The following NUMA1 variants were observed in gnomAD, a reference collection of about 807,000 sequenced individuals.
The protein encoded by NUMA1 is SP-H antigen.
NUMA1 carries 62 observed loss-of-function variants against 237.1 expected under a neutral mutation model. The observed-to-expected ratio is 0.26, with a 90% confidence interval of 0.21 to 0.32. NUMA1 has a LOEUF of 0.32. Ranked by LOEUF, NUMA1 falls within the 10% of genes least tolerant of loss-of-function variation. NUMA1 has a pLI of 1.00. For missense variants in NUMA1, 2,533 were observed against 2,666.5 expected (o/e 0.95, Z 1.10); for synonymous variants, 1,028 against 1,066.1 (o/e 0.96, Z 0.70).
At position 72,003,169 on chromosome 11, in the gene NUMA1, A is replaced by G. The variant is rs1251331243; in HGVS notation, c.*358T>C. Reference sequence around the variant, plus strand: ...GCAGGAACCAGGGCCTACTCCTCTTATGGTCCCTTCTAGATCCAGAGGCTA... The same window carrying G: ...GCAGGAACCAGGGCCTACTCCTCTTGTGGTCCCTTCTAGATCCAGAGGCTA... On this transcript the variant is annotated 3_prime_UTR_variant, in exon 27 of 27. Transcript: ENST00000393695. 1 of 331,762 alleles carries G rather than the reference A, an allele frequency of 3.0e-6. No homozygotes were observed. 20.6% of individuals were successfully genotyped at this position (331,762 alleles called of 1,614,324 possible). A position where few individuals can be genotyped will look rare whatever the true frequency, so the allele number is the denominator to read the frequency against.
chr11:72,004,313 C>A lies in NUMA1; in HGVS notation c.6035G>T (p.Arg2012Leu). 6.2e-7 allele frequency: 1 copy of A among 1,613,092 alleles called. No homozygotes were observed. Among genetic ancestry groups the A allele is most frequent in the Non-Finnish European group, 8.5e-7 (1 of 1,179,758 alleles). The part of the protein sequence containing the change: ...ESKKATSCFP[R>L]PMTPRDRHEG... ...ATGTCGGTCTCGGGGAGTCATGGGG[C>A]GTGGGAAACAGCTGGTGGCCTTCTT... Residue 2012 changes from arginine (R) to leucine (L), a missense_variant, in exon 25 of 27, where the codon CGC becomes CTC. By Grantham distance (102) the Arg-to-Leu change is moderately radical. Transcript: ENST00000393695.
chr11:72,003,561 G>T (rs1317565380), intron 26 of NUMA1, 23 bp from the exon 27 acceptor site: 1 of 1,614,080 alleles, frequency 6.2e-7, no homozygotes, highest in African/African-American at 1.3e-5. Flanking sequence ...CAGTCACATG[G>T]CCAGATGAGA....
At chr11:72,022,514 T>C in intron 6 of NUMA1, 95 bp from the exon 7 acceptor site, 1 of 765,626 alleles carries the variant, frequency 1.3e-6, no homozygotes, top group Non-Finnish European at 2.2e-6. Flanking sequence ...GCTATTCCGG[T>C]GACTCTTCTA....
At chr11:72,078,201 G>A (rs1290249356) in intron 1 of NUMA1, among the ~76,000 whole-genome samples, 1 of 152,154 alleles carries the variant, frequency 6.6e-6, no homozygotes, top group Non-Finnish European at 1.5e-5. Context: ...AATTAGAATT[G>A]TTCAGCTTAG....
rs1473706035 is a variant in NUMA1 at position 72,008,778 on chromosome 11, C to T, written c.5126G>A (p.Ser1709Asn). 3 of 1,614,138 alleles carry T rather than the reference C, an allele frequency of 1.9e-6. No homozygotes were observed. Among genetic ancestry groups the T allele is most frequent in the South Asian group, 2.2e-5 (2 of 91,084 alleles). Reference sequence around the variant, plus strand: ...CTGGGGCTTAGCCTGGGGCTCACGGCTCTTTAAAGCATCAGTTGCCACCTG... The same window carrying T: ...CTGGGGCTTAGCCTGGGGCTCACGGTTCTTTAAAGCATCAGTTGCCACCTG... ...KFQVATDALK[S>N]REPQAKPQLD... is the part of the protein sequence containing the mutation. Residue 1709 changes from serine to asparagine, a missense_variant, in exon 20 of 27, where the codon AGC (serine) becomes AAC (asparagine). This residue lies in a region of NUMA1 where 795 missense variants were observed against 750.8 expected (regional missense o/e 1.06). Coordinates refer to ENST00000393695, the MANE Select transcript of NUMA1 (RefSeq NM_006185.4).
chr11:72,017,356 G>A (rs1937985056), intron 13 of NUMA1: 1 of 381,382 alleles, frequency 2.6e-6, no homozygotes, highest in Admixed American at 3.7e-5. Context: ...AATAGGTGAT[G>A]AGGCAGCTAC....
chr11:72,023,951 C>CA (rs3838779), intron 5 of NUMA1: 10,422 of 298,280 alleles, frequency 0.035, 203 homozygotes, highest in East Asian at 0.066. Context: ...CTCATTCTCT[C>CA]TTCTGTCTCC....
chr11:72,051,220 C>T (rs1272913275), intron 2 of NUMA1, among the ~76,000 whole-genome samples: 1 of 152,066 alleles, frequency 6.6e-6, no homozygotes, highest in Non-Finnish European at 1.5e-5. Flanking sequence ...TAATAAATAA[C>T]GTGATCACCA....
At chr11:72,046,413 G>A (rs1272577885) in intron 2 of NUMA1, among the ~76,000 whole-genome samples, 1 of 151,828 alleles carries the variant, frequency 6.6e-6, no homozygotes, top group Admixed American at 6.6e-5. Flanking sequence ...GTGTGGTGGC[G>A]CATGCCTGTA....
rs536957367 is a variant in NUMA1, at chr11:72,047,209, C to A, written c.-32-11234G>T. ...CTGGAGCTGGGTGTGGTGGCTCATGCCCGTAATCCCAGAACTTTGGGAGGC... is the reference window on the plus strand; with the variant it reads ...CTGGAGCTGGGTGTGGTGGCTCATGACCGTAATCCCAGAACTTTGGGAGGC... On this transcript the variant is annotated intron_variant, in intron 2 of 26. Coordinates refer to ENST00000393695, the MANE Select transcript of NUMA1 (RefSeq NM_006185.4). Among the ~76,000 whole-genome samples the A allele has an allele frequency of 4.0e-5, 6 of 151,848 alleles. No homozygotes were observed. The South Asian group carries it at 1.3e-3, about 32-fold the overall frequency.
At chr11:72,010,683 A>G (rs1362963026) in intron 17 of NUMA1, 103 bp downstream of exon 17, 6 of 1,108,726 alleles carry the variant, frequency 5.4e-6, no homozygotes, top group Non-Finnish European at 7.9e-6. Context: ...CCTGGAATGC[A>G]GGGTGCCCCT....
rs146676341 is a variant in NUMA1 at position 72,018,069 on chromosome 11, G to C, written c.978+114C>G. ...GGGGCAAAATATGCAGGTCTCTGGA[G>C]AGACTGAAGCATAAGACAGGTGCTG... On this transcript the variant is annotated intron_variant, in intron 12 of 26. Coordinates refer to ENST00000393695, the MANE Select transcript of NUMA1 (RefSeq NM_006185.4). The C allele has an allele frequency of 4.6e-4, 444 of 974,824 alleles. 1 individual carries two copies. In the African/African-American group the frequency reaches 6.5e-3, roughly 14 times the overall value. 60.4% of individuals were successfully genotyped at this position (974,824 alleles called of 1,614,324 possible).
chr11:72,026,303 G>A (rs1423556999), intron 4 of NUMA1, among the ~76,000 whole-genome samples: 1 of 152,214 alleles, frequency 6.6e-6, no homozygotes, highest in South Asian at 2.1e-4. Context: ...ATTTACAACT[G>A]CCCACTCCAA....
chr11:72,050,597 C>T (rs1325713033), intron 2 of NUMA1: 1 of 152,146 alleles, frequency 6.6e-6, no homozygotes, highest in Non-Finnish European at 1.5e-5. Flanking sequence ...CAAAAGAACC[C>T]TAAGAGGCAA....
Position 72,006,162 on chromosome 11 carries a change from C to T in NUMA1, c.5565G>A (p.Gln1855=), listed in dbSNP as rs1305056480. 4 of 1,614,024 alleles carry T rather than the reference C, an allele frequency of 2.5e-6. No individual in the cohort carries two copies. The African/African-American group carries it at 4.0e-5, about 16-fold the overall frequency. ...QASLRATSST[Q]SLARLGSPDY... ...CGGGAGAACCCAGGCGAGCTAGAGA[C>T]TGAGTAGAGGAGGTGGCTCGCAGGC... The change falls in exon 22 of 27, where the codon CAG becomes CAA. Residue 1855 remains glutamine, a synonymous_variant. Coordinates refer to ENST00000393695, the MANE Select transcript of NUMA1 (RefSeq NM_006185.4).
At position 72,012,406 on chromosome 11, in the gene NUMA1, T is replaced by A; in HGVS notation, c.4645A>T (p.Lys1549Ter). 6.2e-7 allele frequency: 1 copy of A among 1,613,070 alleles called. No individual in the cohort carries two copies. The highest frequency in any genetic ancestry group is 8.5e-7 in the Non-Finnish European group (1 of 1,179,536). Residue 1549 changes from lysine to a stop codon, truncating the protein, a stop_gained, in exon 16 of 27, where the codon AAG (lysine) becomes TAG (stop). Coordinates refer to ENST00000393695, the MANE Select transcript of NUMA1 (RefSeq NM_006185.4). LOFTEE classifies it high-confidence loss of function. ...GCGAGGACCTCAGGCATTACCTGCT[T>A]AGTTTGCTCTCTCTGAAATACCTCT... Reference protein sequence around the residue: ...QLEVFQREQTKQVEELSKKLA... With the variant: ...QLEVFQREQT
Position 72,013,144 on chromosome 11 carries a change from C to T in NUMA1, c.4359G>A (p.Gly1453=), listed in dbSNP as rs747534749. The T allele has an allele frequency of 6.2e-7, 1 of 1,614,062 alleles. No individual in the cohort carries two copies. The highest frequency in any genetic ancestry group is 8.5e-7 in the Non-Finnish European group (1 of 1,180,044). Residue 1453 remains glycine (G), a synonymous_variant, in exon 15 of 27, where the codon GGG becomes GGA. Coordinates refer to ENST00000393695, the MANE Select transcript of NUMA1 (RefSeq NM_006185.4). This position sits in a 1 kb window ranked among gnomAD's most constrained non-coding sequence, Gnocchi z 6.8. ...GGCCAAGGTTGGCCCGCTCACCCAG[C>T]CCCCGGTTCTCCTCTGCCAGCAGGC... The part of the protein sequence containing the change: ...AHGLLAEENR[G]LGERANLGRQ...
intron 2 of NUMA1, among the ~76,000 whole-genome samples, chr11:72,044,774 T>C (rs1007217120): frequency 6.6e-6 from 1 of 151,596 alleles, no homozygotes; most frequent in Non-Finnish European, 1.5e-5. Context: ...TTCAAATGAT[T>C]CTCCTGCCAC....
At chr11:72,045,831 G>A (rs1941962379) in intron 2 of NUMA1, among the ~76,000 whole-genome samples, 1 of 152,168 alleles carries the variant, frequency 6.6e-6, no homozygotes, top group Admixed American at 6.5e-5. Context: ...AATGTATAAG[G>A]TGAAAATAGG....
Sources: gnomAD v4.1 joint callset for allele counts (sites outside exome capture counted in the v4.1 genomes callset) on GRCh38, gnomAD v4.1.1 for gene constraint, gnomAD v4.1.1 regional missense constraint, Gnocchi (gnomAD v3.1) non-coding constraint, MANE v1.5 for transcripts, NCBI Gene and HGNC (gene_info 2026-07-23, HGNC 2026-07-21) for gene names.